ITSN2: variants seen among roughly 807,000 people sequenced by gnomAD.
The protein encoded by ITSN2 is intersectin 2.
In ITSN2, 156 loss-of-function variants were observed where a neutral mutation model predicts 243.7. That is an observed-to-expected ratio of 0.64 (90% CI 0.56 to 0.73). The LOEUF is 0.73. Among genes scored for constraint, ITSN2 ranks in the 30% least tolerant of loss-of-function variants. The probability of loss-of-function intolerance (pLI) is 0.00; values close to 1 mark genes in which losing one functional copy is unlikely to be tolerated. For synonymous variants in ITSN2, 703 were observed against 699.9 expected (o/e 1.00, Z -0.07); for missense variants, 1,801 against 1,996.1 (o/e 0.90, Z 1.86).
rs541281347 is a variant in ITSN2, at chr2:24,320,503, G to A, written c.32-5279C>T. On this transcript the variant is annotated intron_variant, in intron 2 of 39. Transcript: ENST00000355123. ...CACTGCAGTCCGCAGTCCGGCCTGG[G>A]CGACAGAGCGAGACTCCGTCTCAAA... Among the ~76,000 whole-genome samples, 44 of 125,542 alleles carry A rather than the reference G, an allele frequency of 3.5e-4. 1 individual carries two copies. Among genetic ancestry groups the A allele is most frequent in the Admixed American group, 1.7e-3 (17 of 10,252 alleles). 82.4% of individuals were successfully genotyped at this position (125,542 alleles called of 152,430 possible). A position where few individuals can be genotyped will look rare whatever the true frequency, so the allele number is the denominator to read the frequency against.
At chr2:24,297,821 A>C (rs1287683609) in intron 13 of ITSN2, among the ~76,000 whole-genome samples, 1 of 152,164 alleles carries the variant, frequency 6.6e-6, no homozygotes, top group African/African-American at 2.4e-5. Context: ...CCAGGAGTAC[A>C]TGGTTCATCA....
intron 15 of ITSN2, among the ~76,000 whole-genome samples, chr2:24,291,070 G>C (rs1256529252): frequency 6.6e-6 from 1 of 152,082 alleles, no homozygotes; most frequent in Non-Finnish European, 1.5e-5. Context: ...GTATAGTATA[G>C]TATAATATTA....
intron 2 of ITSN2, among the ~76,000 whole-genome samples, chr2:24,316,071 C>T (rs541685518): frequency 6.6e-5 from 10 of 152,134 alleles, no homozygotes; most frequent in Non-Finnish European, 1.0e-4. Flanking sequence ...GGGATAAGAA[C>T]ATTTCACACC....
intron 13 of ITSN2, among the ~76,000 whole-genome samples, chr2:24,297,725 A>G (rs1460213316): frequency 1.3e-5 from 2 of 152,168 alleles, no homozygotes; most frequent in East Asian, 1.9e-4. Flanking sequence ...ACAGAGACCA[A>G]TCTGAAAACT....
Position 24,310,640 on chromosome 2 carries a change from T to A in ITSN2, c.405A>T (p.Ala135=), listed in dbSNP as rs753757116. ...LSIPQPLPPA[A]PITSLSSATS... ...TCGCAGAAGACAATGATGTTATAGGTGCAGCTGGAGGCAATGGCTGAGGAA... is the reference window on the plus strand; with the variant it reads ...TCGCAGAAGACAATGATGTTATAGGAGCAGCTGGAGGCAATGGCTGAGGAA... The change falls in exon 6 of 40, where the codon GCA becomes GCT. Residue 135 remains alanine, a synonymous_variant. Transcript: ENST00000355123. 4 of 1,613,972 alleles carry A rather than the reference T, an allele frequency of 2.5e-6. No homozygotes were observed. Among genetic ancestry groups the A allele is most frequent in the Non-Finnish European group, 3.4e-6 (4 of 1,180,030 alleles).
At chr2:24,205,183 T>C (rs943615167) in intron 38 of ITSN2, 31 bp downstream of exon 38, 14 of 1,583,866 alleles carry the variant, frequency 8.8e-6, no homozygotes, top group African/African-American at 1.3e-5. Flanking sequence ...AGGGCAGTTA[T>C]GTCTGCTGAA....
At chr2:24,337,329 T>TATATATATATACAC (rs1686526620) in intron 1 of ITSN2, among the ~76,000 whole-genome samples, 6 of 94,462 alleles carry the variant, frequency 6.4e-5, no homozygotes, top group African/African-American at 2.5e-4. Flanking sequence ...TATATATATA[T>TATATATATATACAC]ATATATATAT....
At chr2:24,356,079 A>G (rs1015305084) in intron 1 of ITSN2, among the ~76,000 whole-genome samples, 1 of 152,146 alleles carries the variant, frequency 6.6e-6, no homozygotes, top group Non-Finnish European at 1.5e-5. Context: ...AGGCGCCTGT[A>G]ATCCCAGCTA....
At chr2:24,330,773 T>C in intron 1 of ITSN2, 3 of 328,136 alleles carry the variant, frequency 9.1e-6, no homozygotes, top group South Asian at 3.1e-5. Flanking sequence ...TCATTTTACT[T>C]TTTTTTTTTT....
intron 8 of ITSN2, among the ~76,000 whole-genome samples, chr2:24,305,440 A>G (rs1014469852): frequency 5.3e-5 from 8 of 151,998 alleles, no homozygotes; most frequent in Admixed American, 2.6e-4. Flanking sequence ...GTCTCTACTA[A>G]GAAAAATTAG....
chr2:24,248,875 C>T lies in ITSN2; in HGVS notation c.3128G>A (p.Gly1043Glu). 1 of 1,613,494 alleles carries T rather than the reference C, an allele frequency of 6.2e-7. No individual in the cohort carries two copies. Among genetic ancestry groups the T allele is most frequent in the South Asian group, 1.1e-5 (1 of 91,054 alleles). ...TGATGCTCCAGACTTGCTAGCACTC[C>T]CAAAACTCTACAAGGAAAAGATACC... ...YVKPKDQESF[G>E]SASKSGASNK... is the part of the protein sequence containing the mutation. The change falls in exon 26 of 40, where the codon GGG becomes GAG. Residue 1043 changes from glycine to glutamate, a missense_variant. Gly to Glu is a moderately conservative substitution (Grantham distance 98, BLOSUM62 -2). Around this residue, in one of 5 missense-constraint regions of ITSN2, gnomAD observed 928 missense variants for 1,065.4 expected, o/e 0.87. Transcript: ENST00000355123.
At position 24,204,568 on chromosome 2, in the gene ITSN2, T is replaced by TG; in HGVS notation, c.4763-151dup. On this transcript the variant is annotated intron_variant, in intron 38 of 39. Transcript: ENST00000355123. This position sits in a 1 kb window ranked among gnomAD's most constrained non-coding sequence, Gnocchi z 5.1. ...CGCTGCCTGGGGCACCATATCCCTG[T>TG]GGTCTAGTAACAGGGTCTCCAAGTT... The TG allele has an allele frequency of 1.4e-6, 1 of 734,458 alleles. No homozygotes were observed. Among genetic ancestry groups the TG allele is most frequent in the Non-Finnish European group, 2.4e-6 (1 of 410,920 alleles). 45.5% of individuals were successfully genotyped at this position (734,458 alleles called of 1,614,324 possible). A position where few individuals can be genotyped will look rare whatever the true frequency, so the allele number is the denominator to read the frequency against.
intron 35 of ITSN2, 143 bp downstream of exon 35, chr2:24,209,675 G>A (rs1406609537): frequency 3.1e-6 from 2 of 651,952 alleles, no homozygotes; most frequent in East Asian, 5.5e-5. Flanking sequence ...CTTCCCGTGG[G>A]AAGCAGCAAA....
chr2:24,209,116 C>T lies in ITSN2; in HGVS notation c.4579G>A (p.Asp1527Asn). ...AGGACTGACCTCTCATTAATGTTGT[C>T]TGTTCGGAGGGTGTAGACCCGATCA... ...HIDRVYTLRT[D>N]NINERTAWVQ... Residue 1527 changes from aspartate to asparagine, a missense_variant, in exon 36 of 40, where the codon GAC becomes AAC. Physicochemically the swap from Asp to Asn is conservative, Grantham distance 23. Around this residue, in one of 5 missense-constraint regions of ITSN2, gnomAD observed 928 missense variants for 1,065.4 expected, o/e 0.87. Transcript: ENST00000355123. 4 of 1,614,104 alleles carry T rather than the reference C, an allele frequency of 2.5e-6. No homozygotes were observed. The highest frequency in any genetic ancestry group is 3.4e-6 in the Non-Finnish European group (4 of 1,179,984).
intron 2 of ITSN2, among the ~76,000 whole-genome samples, chr2:24,319,215 C>A (rs958090451): frequency 6.6e-6 from 1 of 152,036 alleles, no homozygotes; most frequent in African/African-American, 2.4e-5. Context: ...TTCTGGATCA[C>A]TAGGAAATGG....
chr2:24,319,517 A>G (rs1026035657), intron 2 of ITSN2, among the ~76,000 whole-genome samples: 7 of 152,164 alleles, frequency 4.6e-5, no homozygotes, highest in Non-Finnish European at 8.8e-5. Flanking sequence ...TCTCCTGTCC[A>G]TATCACTTCC....
intron 23 of ITSN2, 89 bp downstream of exon 23, chr2:24,257,799 A>T: frequency 9.6e-7 from 1 of 1,041,868 alleles, no homozygotes. Context: ...TAAAATTGTT[A>T]TTTTATTATA....
intron 18 of ITSN2, among the ~76,000 whole-genome samples, chr2:24,274,997 A>T (rs1677839108): frequency 6.6e-6 from 1 of 152,208 alleles, no homozygotes; most frequent in African/African-American, 2.4e-5. Flanking sequence ...AGATACCACA[A>T]ATGTCTTACT....
intron 15 of ITSN2, among the ~76,000 whole-genome samples, chr2:24,289,021 T>C (rs1679903918): frequency 6.6e-6 from 1 of 152,244 alleles, no homozygotes. Flanking sequence ...CTGATTACTA[T>C]AGCTTCATAA....
Sources: gnomAD v4.1 joint callset for allele counts (sites outside exome capture counted in the v4.1 genomes callset) on GRCh38, gnomAD v4.1.1 for gene constraint, gnomAD v4.1.1 regional missense constraint, Gnocchi (gnomAD v3.1) non-coding constraint, MANE v1.5 for transcripts, NCBI Gene and HGNC (gene_info 2026-07-23, HGNC 2026-07-21) for gene names.